Variants in ATOSA observed in about 807,000 individuals in gnomAD.
The protein encoded by ATOSA is atos homolog A, also known as atos homolog protein A.
the ATOSA span, among the ~76,000 whole-genome samples, chr15:52,635,604 G>A: frequency 6.6e-6 from 1 of 152,148 alleles, no homozygotes. Flanking sequence ...GCTGAGGTGG[G>A]AGGATAGCTT....
chr15:52,681,359 T>C, the ATOSA span, among the ~76,000 whole-genome samples: 360 of 152,308 alleles, frequency 2.4e-3, 1 homozygote, highest in Non-Finnish European at 2.6e-3. Context: ...CAAAACCAGA[T>C]AGGGTCACTA....
the ATOSA span, among the ~76,000 whole-genome samples, chr15:52,595,867 T>C: frequency 2.0e-5 from 3 of 151,656 alleles, no homozygotes; most frequent in African/African-American, 2.4e-5. Context: ...CCCAGCAGTT[T>C]GGGAGACTGA....
the ATOSA span, chr15:52,600,376 A>G: frequency 2.0e-6 from 1 of 510,630 alleles, no homozygotes; most frequent in East Asian, 3.3e-5. Flanking sequence ...TCCTGGCTTC[A>G]GGCAATCCTC....
At chr15:52,657,382 T>C in the ATOSA span, 1 of 152,212 alleles carries the variant, frequency 6.6e-6, no homozygotes, top group Admixed American at 6.5e-5. Context: ...TTTAATACTG[T>C]TTGCTTTGCA....
At chr15:52,608,929 TTTA>T in the ATOSA span, 23 of 1,606,606 alleles carry the variant, frequency 1.4e-5, no homozygotes, top group Middle Eastern at 3.3e-4. Flanking sequence ...ATAGTTCTCA[TTTA>T]TTATTTTTTC....
the ATOSA span, among the ~76,000 whole-genome samples, chr15:52,682,834 A>T: frequency 6.6e-6 from 1 of 152,244 alleles, no homozygotes; most frequent in African/African-American, 2.4e-5. Flanking sequence ...GTTTCTGATT[A>T]TCCACTTAAA....
the ATOSA span, among the ~76,000 whole-genome samples, chr15:52,680,296 A>G: frequency 0.019 from 2,822 of 152,330 alleles, 96 homozygotes; most frequent in African/African-American, 0.065. Context: ...GTCTATAGAC[A>G]AAGTACATAT....
the ATOSA span, among the ~76,000 whole-genome samples, chr15:52,698,629 G>A: frequency 8.5e-5 from 13 of 152,186 alleles, no homozygotes; most frequent in Non-Finnish European, 8.8e-5. Context: ...ACAAATTCTA[G>A]TATGTGACTC....
chr15:52,617,358 G>A, the ATOSA span, among the ~76,000 whole-genome samples: 1 of 152,100 alleles, frequency 6.6e-6, no homozygotes. Flanking sequence ...CTCTCACCAG[G>A]ACCTGAACAT....
At chr15:52,699,718 C>A in the ATOSA span, among the ~76,000 whole-genome samples, 1 of 152,098 alleles carries the variant, frequency 6.6e-6, no homozygotes, top group Non-Finnish European at 1.5e-5. Context: ...CCTTATCTCC[C>A]CAGCGGGCAT....
chr15:52,646,300 G>C, the ATOSA span, among the ~76,000 whole-genome samples: 2 of 152,148 alleles, frequency 1.3e-5, no homozygotes, highest in Non-Finnish European at 2.9e-5. Flanking sequence ...TGATTCTCTT[G>C]AACAAAGATA....
chr15:52,610,458 T>C, the ATOSA span: 3 of 1,444,402 alleles, frequency 2.1e-6, no homozygotes. Context: ...TTATTTTAAA[T>C]GTAAAGCAGT....
the ATOSA span, among the ~76,000 whole-genome samples, chr15:52,650,796 C>A: frequency 6.6e-6 from 1 of 152,048 alleles, no homozygotes; most frequent in Non-Finnish European, 1.5e-5. Flanking sequence ...CCATGTAAAA[C>A]GAAAAAGCAA....
At chr15:52,680,881 A>ATCACTTT in the ATOSA span, among the ~76,000 whole-genome samples, 120,412 of 152,078 alleles carry the variant, frequency 0.79, 47,852 homozygotes, top group Non-Finnish European at 0.82. Context: ...TTGTTCTACA[A>ATCACTTT]GCACTTGGTA....
chr15:52,590,283 T>C, the ATOSA span, among the ~76,000 whole-genome samples: 3 of 152,190 alleles, frequency 2.0e-5, no homozygotes, highest in Non-Finnish European at 4.4e-5. Flanking sequence ...GAAAGTCTTA[T>C]TAGAAATTTG....
the ATOSA span, chr15:52,593,828 C>T: frequency 8.1e-7 from 1 of 1,234,912 alleles, no homozygotes; most frequent in Non-Finnish European, 1.1e-6. Context: ...AGTCTAAAGG[C>T]AGAGAAGTGA....
At chr15:52,584,090 GAAAAAA>G in the ATOSA span, among the ~76,000 whole-genome samples, 1 of 41,882 alleles carries the variant, frequency 2.4e-5, no homozygotes, top group Admixed American at 2.8e-4. Context: ...GTCTCAAGAA[GAAAAAA>G]AAAAAAAAAA....
chr15:52,651,223 T>C, the ATOSA span, among the ~76,000 whole-genome samples: 8 of 152,298 alleles, frequency 5.3e-5, no homozygotes, highest in African/African-American at 1.9e-4. Flanking sequence ...GTTTTCTATA[T>C]GGATGTTTAA....
the ATOSA span, among the ~76,000 whole-genome samples, chr15:52,639,693 T>A: frequency 6.6e-6 from 1 of 152,220 alleles, no homozygotes; most frequent in African/African-American, 2.4e-5. Flanking sequence ...AACACTGTTA[T>A]AATGCTATAA....
Sources: gnomAD v4.1 joint callset for allele counts (sites outside exome capture counted in the v4.1 genomes callset) on GRCh38, gnomAD v4.1.1 for gene constraint, MANE v1.5 for transcripts, NCBI Gene and HGNC (gene_info 2026-07-23, HGNC 2026-07-21) for gene names.